The following BPIFA2 variants were observed in gnomAD, a reference collection of about 807,000 sequenced individuals.
The protein encoded by BPIFA2 is BPI fold-containing family A member 2.
Under a neutral mutation model 25.7 loss-of-function variants are expected in BPIFA2, and 20 were observed. The observed-to-expected ratio is 0.78, with a 90% CI of 0.55 to 1.13. The LOEUF is 1.13. Ranked by LOEUF, BPIFA2 falls within the 50% of genes most tolerant of loss-of-function variation. The pLI is 0.00. For missense variants in BPIFA2, 300 were observed against 298.1 expected (o/e 1.01, Z -0.05); for synonymous variants, 126 against 124.3 (o/e 1.01, Z -0.09).
chr20:33,179,682 A>G lies in BPIFA2; in HGVS notation c.709+15A>G. 6.3e-7 allele frequency: 1 copy of G among 1,598,934 alleles called. No individual in the cohort carries two copies. The highest frequency in any genetic ancestry group is 8.6e-7 in the Non-Finnish European group (1 of 1,166,568). Reference sequence around the variant, plus strand: ...GCAGGTCGTCGGTAAGTCAATGGGGAAGTGGGGACCTTCTGAGGCAGGCAT... The same window carrying G: ...GCAGGTCGTCGGTAAGTCAATGGGGGAGTGGGGACCTTCTGAGGCAGGCAT... On this transcript the variant is annotated intron_variant, in intron 7 of 8. Transcript: ENST00000354932.
intron 6 of BPIFA2, among the ~76,000 whole-genome samples, chr20:33,179,111 C>A (rs1368723165): frequency 6.6e-6 from 1 of 152,100 alleles, no homozygotes; most frequent in Non-Finnish European, 1.5e-5. Context: ...AGATTTAAGA[C>A]TGCTGGGATC....
upstream of BPIFA2, among the ~76,000 whole-genome samples, chr20:33,166,723 C>A (rs1050410077): frequency 2.0e-5 from 3 of 152,194 alleles, no homozygotes; most frequent in African/African-American, 7.2e-5. Flanking sequence ...AGGTCCTTGC[C>A]TGTCCACCAT....
rs754352991 is a variant in BPIFA2, at chr20:33,175,573, A to G, written c.563+14A>G. 1.9e-6 allele frequency: 3 copies of G among 1,612,890 alleles called. No individual in the cohort carries two copies. Among genetic ancestry groups the G allele is most frequent in the Admixed American group, 3.3e-5 (2 of 59,952 alleles). Reference sequence around the variant, plus strand: ...CTTGCTGGACAAGTAAGTCCCATTCATCTTAGTAGAGCTGGGCTCTCAGGG... The same window carrying G: ...CTTGCTGGACAAGTAAGTCCCATTCGTCTTAGTAGAGCTGGGCTCTCAGGG... On this transcript the variant is annotated intron_variant, in intron 5 of 8. Coordinates refer to ENST00000354932, the MANE Select transcript of BPIFA2 (RefSeq NM_080574.4).
rs575922945 is a variant in BPIFA2 at position 33,180,442 on chromosome 20, G to A, written c.710-78G>A. ...CAACTGTCAGGTTACCGGCTGGAGAGCGGCATCTTTTGGAGTCTGGTCTCT... is the reference window on the plus strand; with the variant it reads ...CAACTGTCAGGTTACCGGCTGGAGAACGGCATCTTTTGGAGTCTGGTCTCT... On this transcript the variant is annotated intron_variant, in intron 7 of 8. Coordinates refer to ENST00000354932, the MANE Select transcript of BPIFA2 (RefSeq NM_080574.4). The A allele has an allele frequency of 9.4e-6, 14 of 1,488,546 alleles. No individual in the cohort carries two copies. In the South Asian group the frequency reaches 1.3e-4, roughly 13 times the overall value. 92.2% of individuals were successfully genotyped at this position (1,488,546 alleles called of 1,614,324 possible).
At chr20:33,175,608 AC>A in intron 5 of BPIFA2, 49 bp downstream of exon 5, 1 of 1,587,224 alleles carries the variant, frequency 6.3e-7, no homozygotes, top group Non-Finnish European at 8.6e-7. Flanking sequence ...GAACTTGAGG[AC>A]CCCTAATTTC....
intron 5 of BPIFA2, among the ~76,000 whole-genome samples, chr20:33,177,550 G>A (rs1009315220): frequency 3.9e-5 from 6 of 152,232 alleles, no homozygotes; most frequent in Non-Finnish European, 4.4e-5. Flanking sequence ...TCCTCTCAGC[G>A]CTTTTCTTTG....
At chr20:33,175,372 T>C (rs777179003) in intron 4 of BPIFA2, 35 bp from the exon 5 acceptor site, 21 of 1,600,462 alleles carry the variant, frequency 1.3e-5, no homozygotes, top group Non-Finnish European at 1.7e-5. Flanking sequence ...CAGGAACTTC[T>C]AGACTTTGTT....
upstream of BPIFA2, among the ~76,000 whole-genome samples, chr20:33,166,972 G>A (rs1306352590): frequency 6.6e-6 from 1 of 152,208 alleles, no homozygotes; most frequent in African/African-American, 2.4e-5. Context: ...CAGGGAAGGA[G>A]GTGTGACAAC....
chr20:33,178,811 C>T (rs981570496), intron 6 of BPIFA2, among the ~76,000 whole-genome samples: 5 of 152,110 alleles, frequency 3.3e-5, no homozygotes, highest in Non-Finnish European at 7.4e-5. Context: ...ATTCCAAAAG[C>T]GATCCTCCAC....
chr20:33,175,531 A>G lies in BPIFA2; in HGVS notation c.535A>G (p.Thr179Ala), dbSNP rs1984047573. The G allele has an allele frequency of 6.2e-7, 1 of 1,613,924 alleles. No homozygotes were observed. The highest frequency in any genetic ancestry group is 8.5e-7 in the Non-Finnish European group (1 of 1,180,006). The change falls in exon 5 of 9, where the codon ACC becomes GCC. Residue 179 changes from threonine (T) to alanine (A), a missense_variant. By Grantham distance (58) the Thr-to-Ala change is moderately conservative. Coordinates refer to ENST00000354932, the MANE Select transcript of BPIFA2 (RefSeq NM_080574.4). ...AVLGECASDPTSISLSLLDKH... is the reference protein window; with the variant it reads ...AVLGECASDPASISLSLLDKH... ...CCTGGGAGAATGCGCCAGTGACCCA[A>G]CCAGCATCTCACTTTCCTTGCTGGA... is the stretch of plus-strand genomic sequence containing the variant.
chr20:33,167,322 A>G (rs1600595650), upstream of BPIFA2, among the ~76,000 whole-genome samples: 1 of 152,178 alleles, frequency 6.6e-6, no homozygotes. Context: ...CACAGGCCCA[A>G]TGCAGCAGGC....
Position 33,178,187 on chromosome 20 carries a change from A to G in BPIFA2, c.604A>G (p.Asn202Asp). The change falls in exon 6 of 9, where the codon AAC becomes GAC. Residue 202 changes from asparagine to aspartate, a missense_variant. Coordinates refer to ENST00000354932, the MANE Select transcript of BPIFA2 (RefSeq NM_080574.4). Reference sequence around the variant, plus strand: ...CAACAAGTTCGTGAATAGCGTGATCAACACGCTGAAAAGCACTGTATCCTC... The same window carrying G: ...CAACAAGTTCGTGAATAGCGTGATCGACACGCTGAAAAGCACTGTATCCTC... ...IINKFVNSVI[N>D]TLKSTVSSLL... 1 of 1,607,586 alleles carries G rather than the reference A, an allele frequency of 6.2e-7. No homozygotes were observed. The highest frequency in any genetic ancestry group is 1.3e-5 in the African/African-American group (1 of 74,868).
chr20:33,178,101 C>A (rs769731903), intron 5 of BPIFA2, 46 bp from the exon 6 acceptor site: 17 of 1,477,084 alleles, frequency 1.2e-5, no homozygotes, highest in Non-Finnish European at 1.4e-5. Context: ...GTTCTCCCAT[C>A]TCTTGCCCAC....
intron 2 of BPIFA2, 72 bp downstream of exon 2, chr20:33,169,374 G>A (rs1037692597): frequency 1.1e-5 from 16 of 1,499,016 alleles, no homozygotes; most frequent in Non-Finnish European, 1.4e-5. Flanking sequence ...ATTACCAGAG[G>A]CTGCCACCAG....
At chr20:33,168,238 C>T (rs1410068691) in intron 1 of BPIFA2, 29 bp downstream of exon 1, 1 of 152,236 alleles carries the variant, frequency 6.6e-6, no homozygotes, top group Non-Finnish European at 1.5e-5. Flanking sequence ...CCAGTGGCAC[C>T]ACACGTGGTG....
chr20:33,173,180 C>T, intron 3 of BPIFA2, 104 bp downstream of exon 3: 1 of 1,392,242 alleles, frequency 7.2e-7, no homozygotes, highest in Non-Finnish European at 9.8e-7. Context: ...AGCCTCATTC[C>T]CCTCCCACAG....
chr20:33,167,344 C>T (rs1233837572), upstream of BPIFA2, among the ~76,000 whole-genome samples: 3 of 152,218 alleles, frequency 2.0e-5, no homozygotes, highest in East Asian at 3.9e-4. Flanking sequence ...TTACAACCAA[C>T]CCAAACATCA....
upstream of BPIFA2, among the ~76,000 whole-genome samples, chr20:33,165,527 C>T (rs1014351255): frequency 2.0e-5 from 3 of 152,180 alleles, no homozygotes; most frequent in Non-Finnish European, 4.4e-5. Context: ...CCCTGTCACT[C>T]GCTTTCTCTG....
At chr20:33,173,803 C>A (rs1983983027) in intron 3 of BPIFA2, among the ~76,000 whole-genome samples, 1 of 152,158 alleles carries the variant, frequency 6.6e-6, no homozygotes, top group Non-Finnish European at 1.5e-5. Context: ...CGTGCCCGGT[C>A]CCACTCATGA....
Sources: gnomAD v4.1 joint callset for allele counts (sites outside exome capture counted in the v4.1 genomes callset) on GRCh38, gnomAD v4.1.1 for gene constraint, MANE v1.5 for transcripts, NCBI Gene and HGNC (gene_info 2026-07-23, HGNC 2026-07-21) for gene names.